The following MICU2 variants were observed in gnomAD, a reference collection of about 807,000 sequenced individuals.
MICU2 encodes calcium uptake protein 2, mitochondrial.
A neutral mutation model predicts 60.4 loss-of-function variants in MICU2; 64 were observed. That is an observed-to-expected ratio of 1.06 (90% CI 0.87 to 1.31). The LOEUF is 1.31. MICU2 is among the 50% of genes most tolerant of loss of function. The pLI is 0.00. For missense variants in MICU2, 569 were observed against 531.0 expected (o/e 1.07, Z -0.70); for synonymous variants, 201 against 175.0 (o/e 1.15, Z -1.17).
intron 6 of MICU2, among the ~76,000 whole-genome samples, chr13:21,515,242 T>C (rs535960690): frequency 9.9e-5 from 15 of 152,072 alleles, no homozygotes; most frequent in South Asian, 4.2e-4. Flanking sequence ...CCACCATGCC[T>C]GGCTAATTTT....
At chr13:21,545,851 G>A (rs1308242583) in intron 2 of MICU2, among the ~76,000 whole-genome samples, 2 of 151,980 alleles carry the variant, frequency 1.3e-5, no homozygotes, top group Non-Finnish European at 1.5e-5. Flanking sequence ...ACTACAATTA[G>A]CAATAATACA....
intron 1 of MICU2, among the ~76,000 whole-genome samples, chr13:21,584,246 G>C (rs1888411370): frequency 6.6e-6 from 1 of 151,938 alleles, no homozygotes; most frequent in African/African-American, 2.4e-5. Context: ...AAAATTAGCT[G>C]GGCGTGGTGG....
At chr13:21,512,890 A>G (rs867945002) in intron 7 of MICU2, among the ~76,000 whole-genome samples, 3 of 152,080 alleles carry the variant, frequency 2.0e-5, no homozygotes, top group African/African-American at 7.2e-5. Context: ...ATTAATTTTT[A>G]TATGTGGTGT....
At chr13:21,550,802 G>C (rs1887541282) in intron 2 of MICU2, among the ~76,000 whole-genome samples, 1 of 152,046 alleles carries the variant, frequency 6.6e-6, no homozygotes, top group Admixed American at 6.6e-5. Flanking sequence ...CTTTGACGTA[G>C]GTACTATTAG....
chr13:21,493,477 T>C (rs1885912782), intron 11 of MICU2, 124 bp from the exon 12 acceptor site: 2 of 643,444 alleles, frequency 3.1e-6, no homozygotes, highest in Admixed American at 3.5e-5. Flanking sequence ...GGGTGAATTA[T>C]GTTGTAAAAG....
At chr13:21,531,631 C>T (rs548574225) in intron 4 of MICU2, among the ~76,000 whole-genome samples, 3 of 152,228 alleles carry the variant, frequency 2.0e-5, no homozygotes, top group East Asian at 1.9e-4. Flanking sequence ...CAGTAGTACA[C>T]GCGTCAAGAT....
chr13:21,569,733 G>C (rs1174973514), intron 1 of MICU2, among the ~76,000 whole-genome samples: 1 of 151,050 alleles, frequency 6.6e-6, no homozygotes, highest in African/African-American at 2.4e-5. Context: ...TGCAGAGCAG[G>C]GTGCTAATAT....
chr13:21,522,403 C>A (rs1886740340), intron 5 of MICU2, among the ~76,000 whole-genome samples, 200 bp downstream of exon 5: 3 of 152,180 alleles, frequency 2.0e-5, no homozygotes, highest in African/African-American at 7.2e-5. Context: ...AGAGACAAAG[C>A]TATGGGCTGC....
Position 21,540,251 on chromosome 13 carries a change from G to A in MICU2, c.359-563C>T, listed in dbSNP as rs543878177. 9.9e-4 allele frequency among the ~76,000 whole-genome samples: 150 copies of A among 152,134 alleles called. 1 individual carries two copies. The highest frequency in any genetic ancestry group is 4.3e-4 in the Non-Finnish European group (29 of 67,976). On this transcript the variant is annotated intron_variant, in intron 2 of 11. Transcript: ENST00000382374. ...CAGGTTTTCAGCCACCCTCTTTACT[G>A]CCTACATCATTTTCCTAATATCCAC...
intron 2 of MICU2, among the ~76,000 whole-genome samples, chr13:21,544,516 G>GAAAAAAAA (rs10628955): frequency 1.3e-5 from 1 of 77,388 alleles, no homozygotes; most frequent in African/African-American, 5.1e-5. Flanking sequence ...ATAAACACAT[G>GAAAAAAAA]AAAAAAAAAA....
At chr13:21,523,703 T>G (rs972423484) in intron 4 of MICU2, among the ~76,000 whole-genome samples, 1 of 152,194 alleles carries the variant, frequency 6.6e-6, no homozygotes, top group Admixed American at 6.5e-5. Flanking sequence ...AATAAGGAGG[T>G]TGCACTAGTC....
chr13:21,603,694 C>T, intron 1 of MICU2: 1 of 553,448 alleles, frequency 1.8e-6, no homozygotes, highest in South Asian at 2.2e-5. Context: ...TGGTGTTCAG[C>T]GTCCGCGGGG....
chr13:21,530,181 TA>T (rs2138179563), intron 4 of MICU2, among the ~76,000 whole-genome samples: 1 of 152,374 alleles, frequency 6.6e-6, no homozygotes, highest in East Asian at 1.9e-4. Flanking sequence ...TGTAGGAATG[TA>T]AGTTGATTTT....
intron 2 of MICU2, among the ~76,000 whole-genome samples, chr13:21,552,555 G>A (rs1448408823): frequency 6.6e-6 from 1 of 152,074 alleles, no homozygotes; most frequent in Non-Finnish European, 1.5e-5. Flanking sequence ...GGGTTTTTAT[G>A]GTTTTAGGTC....
Position 21,510,014 on chromosome 13 carries a change from C to G in MICU2, c.751G>C (p.Glu251Gln). 6.5e-7 allele frequency: 1 copy of G among 1,527,812 alleles called. No individual in the cohort carries two copies. The highest frequency in any genetic ancestry group is 8.8e-7 in the Non-Finnish European group (1 of 1,142,844). The allele number at this position is 1,527,812 out of a possible 1,614,324, so 94.6% of individuals were successfully genotyped here. A position where few individuals can be genotyped will look rare whatever the true frequency, so the allele number is the denominator to read the frequency against. ...AATATTTGCATTTACCTTCGAAATT[C>G]TTTATAATGAAGTTTTCTTTGTCCT... ...KRGQRKLHYK[E>Q]FRRFMENLQT... The change falls in exon 8 of 12, where the codon GAA becomes CAA. Residue 251 changes from glutamate to glutamine, a missense_variant. Transcript: ENST00000382374.
intron 6 of MICU2, among the ~76,000 whole-genome samples, chr13:21,517,799 A>ACGCGCGCGCGCGCG (rs758514044): frequency 2.2e-5 from 3 of 136,332 alleles, no homozygotes; most frequent in Admixed American, 7.0e-5. Context: ...ACACACACAC[A>ACGCGCGCGCGCGCG]CGCGCGCGCG....
At chr13:21,520,127 T>C (rs1459680875) in intron 6 of MICU2, among the ~76,000 whole-genome samples, 6 of 152,236 alleles carry the variant, frequency 3.9e-5, no homozygotes, top group Admixed American at 1.3e-4. Flanking sequence ...TCCATGTTGC[T>C]GCATTTATCA....
At chr13:21,538,868 T>C (rs1223492471) in intron 4 of MICU2, among the ~76,000 whole-genome samples, 2 of 152,070 alleles carry the variant, frequency 1.3e-5, no homozygotes, top group East Asian at 3.9e-4. Flanking sequence ...ATATAGAGGA[T>C]ACTTCTCAGT....
rs373304344 is a variant in MICU2, at chr13:21,501,455, G to A, written c.933+1471C>T. On this transcript the variant is annotated intron_variant, in intron 9 of 11. Transcript: ENST00000382374. ...TTTTTTGTATTTTTAGTAGAGACGTGGTTTCACCGTGTTAACCAGGATGGT... is the reference window on the plus strand; with the variant it reads ...TTTTTTGTATTTTTAGTAGAGACGTAGTTTCACCGTGTTAACCAGGATGGT... Among the ~76,000 whole-genome samples, 295 of 152,078 alleles carry A rather than the reference G, an allele frequency of 1.9e-3. 1 individual carries two copies. The highest frequency in any genetic ancestry group is 7.0e-3 in the African/African-American group (289 of 41,484).
Sources: gnomAD v4.1 joint callset for allele counts (sites outside exome capture counted in the v4.1 genomes callset) on GRCh38, gnomAD v4.1.1 for gene constraint, MANE v1.5 for transcripts, NCBI Gene and HGNC (gene_info 2026-07-23, HGNC 2026-07-21) for gene names.